PTPRS: variants seen among roughly 807,000 people sequenced by gnomAD.
PTPRS encodes protein tyrosine phosphatase receptor type S, also known as receptor-type tyrosine-protein phosphatase S.
PTPRS carries 63 observed loss-of-function variants against 215.3 expected under a neutral mutation model. The ratio of observed to expected loss-of-function variants is 0.29; its 90% CI spans 0.24 to 0.36. The LOEUF is 0.36. PTPRS is among the 10% of genes least tolerant of loss of function. PTPRS has a pLI of 1.00. For missense variants in PTPRS, 2,258 were observed against 2,825.8 expected (o/e 0.80, Z 4.56); for synonymous variants, 1,404 against 1,191.4 (o/e 1.18, Z -3.68).
intron 1 of PTPRS, among the ~76,000 whole-genome samples, chr19:5,322,436 G>A (rs1167540611): frequency 6.6e-6 from 1 of 152,166 alleles, no homozygotes; most frequent in African/African-American, 2.4e-5. Flanking sequence ...ATTTCTGGAG[G>A]CTGAGGTGAG....
chr19:5,305,407 C>G (rs1489303616), intron 1 of PTPRS, among the ~76,000 whole-genome samples: 1 of 151,972 alleles, frequency 6.6e-6, no homozygotes, highest in Non-Finnish European at 1.5e-5. Context: ...ATTAGCCAGG[C>G]AGGGTGAGGC....
chr19:5,338,382 G>A lies in PTPRS; in HGVS notation c.-95+2282C>T, dbSNP rs1206311921. Among the ~76,000 whole-genome samples the A allele has an allele frequency of 1.3e-5, 2 of 151,918 alleles. No homozygotes were observed. Among genetic ancestry groups the A allele is most frequent in the East Asian group, 1.9e-4 (1 of 5,170 alleles). On this transcript the variant is annotated intron_variant, in intron 1 of 37. Transcript: ENST00000262963. The surrounding 1 kb of genome is among the most constrained non-coding windows in gnomAD (Gnocchi z 4.2). ...CCTAGCCCCCATGCAGAAGTGCACC[G>A]TCATGATGAGGGTGTCCCCCGGGCC...
chr19:5,270,915 G>C (rs1323902972), intron 4 of PTPRS, among the ~76,000 whole-genome samples: 1 of 152,188 alleles, frequency 6.6e-6, no homozygotes, highest in Non-Finnish European at 1.5e-5. Flanking sequence ...AAACTGCTGG[G>C]ATTACAGGCC....
At chr19:5,314,684 C>A (rs1324543010) in intron 1 of PTPRS, among the ~76,000 whole-genome samples, 2 of 152,104 alleles carry the variant, frequency 1.3e-5, no homozygotes, top group African/African-American at 4.8e-5. Context: ...AATCACCACA[C>A]CCAGCTGTTT....
intron 1 of PTPRS, among the ~76,000 whole-genome samples, chr19:5,307,223 G>C (rs989871904): frequency 1.3e-5 from 2 of 152,220 alleles, no homozygotes; most frequent in Non-Finnish European, 2.9e-5. Context: ...CAGGAGAATT[G>C]CTTGAACTCA....
chr19:5,321,174 G>A (rs1251285128), intron 1 of PTPRS, among the ~76,000 whole-genome samples: 4 of 152,174 alleles, frequency 2.6e-5, no homozygotes, highest in African/African-American at 9.7e-5. Context: ...TCAGGGGGCT[G>A]AGGCAGGAGG....
intron 14 of PTPRS, 54 bp from the exon 15 acceptor site, chr19:5,229,738 G>A (rs1156520109): frequency 2.7e-6 from 3 of 1,125,048 alleles, no homozygotes; most frequent in Non-Finnish European, 3.4e-6. Context: ...CAGGGCGCCC[G>A]GCCCTGCCCC....
chr19:5,261,989 C>T (rs1045149689), intron 6 of PTPRS, among the ~76,000 whole-genome samples: 11 of 152,190 alleles, frequency 7.2e-5, no homozygotes, highest in African/African-American at 2.4e-4. Flanking sequence ...AAAGTCTTTT[C>T]AGGCCGGGCG....
At chr19:5,229,277 G>C in intron 16 of PTPRS, 39 bp downstream of exon 16, 1 of 1,366,870 alleles carries the variant, frequency 7.3e-7, no homozygotes, top group South Asian at 2.2e-5. Context: ...CCCGCGGGAA[G>C]CGCACAGCAG....
At chr19:5,323,031 T>C (rs995201476) in intron 1 of PTPRS, among the ~76,000 whole-genome samples, 2 of 151,678 alleles carry the variant, frequency 1.3e-5, no homozygotes, top group Non-Finnish European at 2.9e-5. Flanking sequence ...GCCATGGACA[T>C]GGTAGAGGAG....
At chr19:5,334,377 G>A (rs1337989797) in intron 1 of PTPRS, among the ~76,000 whole-genome samples, 4 of 152,224 alleles carry the variant, frequency 2.6e-5, no homozygotes, top group Non-Finnish European at 2.9e-5. Flanking sequence ...CATTCTAGGT[G>A]CCGTTCTGAA....
Position 5,244,178 on chromosome 19 carries a change from C to G in PTPRS, c.1293G>C (p.Arg431=). The change falls in exon 11 of 38, where the codon CGG becomes CGC. Residue 431 remains arginine (R), a synonymous_variant. Transcript: ENST00000262963. The surrounding 1 kb of genome is among the most constrained non-coding windows in gnomAD (Gnocchi z 7.2). ...TGEQAPASAP[R]NVQARMLSAT... The stretch of plus-strand genomic sequence containing the variant: ...CGCTGAGCATCCGGGCTTGCACGTT[C>G]CGCGGCGCGCTGGCCGGGGCCTGCT... The G allele has an allele frequency of 6.3e-7, 1 of 1,598,596 alleles. No individual in the cohort carries two copies. Among genetic ancestry groups the G allele is most frequent in the Non-Finnish European group, 8.5e-7 (1 of 1,171,896 alleles).
chr19:5,219,818 T>A (rs34082224), intron 22 of PTPRS, 121 bp downstream of exon 22: 2 of 1,152,718 alleles, frequency 1.7e-6, no homozygotes, highest in Non-Finnish European at 2.5e-6. Context: ...TCTTCCCCTC[T>A]GCCCAGCTCT....
Position 5,218,482 on chromosome 19 carries a change from T to A in PTPRS, c.3986A>T (p.Asp1329Val). ...GTCCTTGGGGTGGTGAGGGGCGAGG[T>A]CGGCATTGTTCAGGAGGCATTTGGT... Reference protein sequence around the residue: ...PRTKCLLNNADLAPHHPKDPV... With the variant: ...PRTKCLLNNAVLAPHHPKDPV... The change falls in exon 25 of 38, where the codon GAC becomes GTC. Residue 1329 changes from aspartate to valine, a missense_variant. By Grantham distance (152) the Asp-to-Val change is radical. This residue lies in a region of PTPRS where 927 missense variants were observed against 1,125.9 expected (regional missense o/e 0.82). Coordinates refer to ENST00000262963, the MANE Select transcript of PTPRS (RefSeq NM_002850.4). The A allele has an allele frequency of 6.2e-7, 1 of 1,613,934 alleles. No homozygotes were observed. The highest frequency in any genetic ancestry group is 8.5e-7 in the Non-Finnish European group (1 of 1,179,970).
intron 17 of PTPRS, among the ~76,000 whole-genome samples, chr19:5,223,943 C>T (rs765053162): frequency 6.6e-6 from 1 of 151,754 alleles, no homozygotes; most frequent in Non-Finnish European, 1.5e-5. Context: ...CTTTGGGAGG[C>T]TGAGATGGGC....
rs542361035 is a variant in PTPRS at position 5,220,070 on chromosome 19, G to A, written c.3634C>T (p.Arg1212Cys). The A allele has an allele frequency of 1.9e-5, 30 of 1,614,016 alleles. No homozygotes were observed. The highest frequency in any genetic ancestry group is 7.7e-5 in the South Asian group (7 of 91,086). The change falls in exon 22 of 38, where the codon CGC becomes TGC. Residue 1212 changes from arginine to cysteine, a missense_variant. This residue lies in a region of PTPRS where 927 missense variants were observed against 1,125.9 expected (regional missense o/e 0.82). Transcript: ENST00000262963. Reference sequence around the variant, plus strand: ...AACGTGGGTGGCAGCACAGAGAAGCGAGCTGCAATATAGGGCCGGGGCACC... The same window carrying A: ...AACGTGGGTGGCAGCACAGAGAAGCAAGCTGCAATATAGGGCCGGGGCACC... ...LEVPRPYIAARFSVLPPTFHP... is the reference protein window; with the variant it reads ...LEVPRPYIAACFSVLPPTFHP...
Position 5,223,184 on chromosome 19 carries a change from A to T in PTPRS, c.2608T>A (p.Phe870Ile). ...AGGGGCGTCGAGTCCTCACGGCCAA[A>T]CTGCAGGCGGTAGCCCAGCACCTGG... ...EDQVLGYRLQ[F>I]GREDSTPLAT... The change falls in exon 18 of 38, where the codon TTT (phenylalanine) becomes ATT (isoleucine). Residue 870 changes from phenylalanine (F) to isoleucine (I), a missense_variant. By Grantham distance (21) the Phe-to-Ile change is conservative. Around this residue, in one of 6 missense-constraint regions of PTPRS, gnomAD observed 361 missense variants for 332.6 expected, o/e 1.09. Transcript: ENST00000262963. 6.4e-7 allele frequency: 1 copy of T among 1,557,604 alleles called. No homozygotes were observed. The highest frequency in any genetic ancestry group is 8.7e-7 in the Non-Finnish European group (1 of 1,151,920).
intron 1 of PTPRS, among the ~76,000 whole-genome samples, chr19:5,296,412 CA>C (rs2147059162): frequency 6.6e-6 from 1 of 152,138 alleles, no homozygotes; most frequent in African/African-American, 2.4e-5. Context: ...AGGGCGGAAG[CA>C]TCGCTTGAGG....
At chr19:5,291,722 C>G (rs1449861872) in intron 1 of PTPRS, among the ~76,000 whole-genome samples, 1 of 151,790 alleles carries the variant, frequency 6.6e-6, no homozygotes, top group African/African-American at 2.4e-5. Context: ...ATCCTGTAAG[C>G]TGCAGCCACG....
Sources: gnomAD v4.1 joint callset for allele counts (sites outside exome capture counted in the v4.1 genomes callset) on GRCh38, gnomAD v4.1.1 for gene constraint, gnomAD v4.1.1 regional missense constraint, Gnocchi (gnomAD v3.1) non-coding constraint, MANE v1.5 for transcripts, NCBI Gene and HGNC (gene_info 2026-07-23, HGNC 2026-07-21) for gene names.